Variants in PTER observed in about 807,000 individuals in gnomAD.
PTER encodes N-acetyltaurine hydrolase.
In PTER, 38 loss-of-function variants were observed where a neutral mutation model predicts 29.6. The ratio of observed to expected loss-of-function variants is 1.28; its 90% CI spans 0.99 to 1.68. The LOEUF is 1.68. Ranked by LOEUF, PTER falls within the 40% of genes most tolerant of loss-of-function variation. The pLI is 0.00. For missense variants in PTER, 482 were observed against 427.8 expected, an observed-to-expected ratio of 1.13 and a Z score of -1.12; for synonymous variants, 172 against 154.5, an observed-to-expected ratio of 1.11 and a Z score of -0.84.
intron 3 of PTER, among the ~76,000 whole-genome samples, chr10:16,487,398 C>T (rs763427211): frequency 2.2e-4 from 33 of 152,210 alleles, no homozygotes; most frequent in Admixed American, 4.6e-4. Context: ...CCTCTGTCTT[C>T]GCATAGCCTT....
At chr10:16,492,872 G>A (rs1388155361) in intron 3 of PTER, among the ~76,000 whole-genome samples, 2 of 152,218 alleles carry the variant, frequency 1.3e-5, no homozygotes, top group South Asian at 2.1e-4. Context: ...GACAACAAGA[G>A]GGAAACATTT....
At chr10:16,499,650 C>T (rs1836255141) in intron 3 of PTER, among the ~76,000 whole-genome samples, 1 of 151,896 alleles carries the variant, frequency 6.6e-6, no homozygotes, top group East Asian at 1.9e-4. Context: ...TGCCATGTTG[C>T]CCAAGCTGGT....
At chr10:16,449,949 T>G (rs2133371266) in intron 1 of PTER, among the ~76,000 whole-genome samples, 1 of 152,308 alleles carries the variant, frequency 6.6e-6, no homozygotes, top group South Asian at 2.1e-4. Flanking sequence ...AAATAAACTC[T>G]TAGAACCTTT....
intron 1 of PTER, among the ~76,000 whole-genome samples, chr10:16,460,814 T>G (rs2133391180): frequency 6.6e-6 from 1 of 152,244 alleles, no homozygotes; most frequent in African/African-American, 2.4e-5. Context: ...CCTCCCGGGT[T>G]CAAGAGATTC....
At chr10:16,506,699 A>C (rs1836582002) in intron 4 of PTER, among the ~76,000 whole-genome samples, 1 of 152,110 alleles carries the variant, frequency 6.6e-6, no homozygotes, top group Non-Finnish European at 1.5e-5. Flanking sequence ...TGAGGGAAAC[A>C]GGAGACTGAG....
At chr10:16,465,546 A>G (rs1447456142) in intron 1 of PTER, among the ~76,000 whole-genome samples, 1 of 152,228 alleles carries the variant, frequency 6.6e-6, no homozygotes, top group East Asian at 1.9e-4. Context: ...ACAAGCCTAT[A>G]AAGAGGACAT....
At chr10:16,470,496 G>A (rs984195882) in intron 1 of PTER, among the ~76,000 whole-genome samples, 3 of 152,200 alleles carry the variant, frequency 2.0e-5, no homozygotes, top group Admixed American at 6.5e-5. Flanking sequence ...GGGAGGGAGC[G>A]GTGGCTCACG....
intron 1 of PTER, among the ~76,000 whole-genome samples, chr10:16,453,486 A>G (rs1019912509): frequency 1.3e-5 from 2 of 152,302 alleles, no homozygotes; most frequent in African/African-American, 4.8e-5. Flanking sequence ...AGGCTACTAT[A>G]AAGACACCAT....
intron 3 of PTER, among the ~76,000 whole-genome samples, chr10:16,487,981 A>T (rs1835765623): frequency 6.6e-6 from 1 of 152,190 alleles, no homozygotes; most frequent in Admixed American, 6.6e-5. Flanking sequence ...CCCTGTCTCA[A>T]GAAAAAAAAA....
intron 3 of PTER, among the ~76,000 whole-genome samples, chr10:16,497,017 C>A (rs1211963864): frequency 1.3e-5 from 2 of 151,632 alleles, no homozygotes; most frequent in African/African-American, 4.9e-5. Flanking sequence ...TCACTGCAGC[C>A]TTTGCCTCCT....
intron 1 of PTER, among the ~76,000 whole-genome samples, chr10:16,480,079 G>A (rs11254015): frequency 0.64 from 92,368 of 143,806 alleles, 31,540 homozygotes; most frequent in African/African-American, 0.88. Context: ...ACTATGAGTA[G>A]AATGAAACAA....
chr10:16,492,891 G>T (rs1012249296), intron 3 of PTER, among the ~76,000 whole-genome samples: 1 of 152,194 alleles, frequency 6.6e-6, no homozygotes, highest in Non-Finnish European at 1.5e-5. Flanking sequence ...TTAGGGAACT[G>T]GCCGACAGCA....
chr10:16,460,809 C>T (rs1052904240), intron 1 of PTER, among the ~76,000 whole-genome samples: 3 of 152,116 alleles, frequency 2.0e-5, no homozygotes, highest in Admixed American at 6.5e-5. Flanking sequence ...CTCTACCTCC[C>T]GGGTTCAAGA....
At chr10:16,479,789 G>A (rs1358645277) in intron 1 of PTER, among the ~76,000 whole-genome samples, 4 of 151,788 alleles carry the variant, frequency 2.6e-5, no homozygotes, top group African/African-American at 4.8e-5. Context: ...CTGGATAATA[G>A]CGACATCCTA....
chr10:16,514,504 A>C (rs368514858), downstream of PTER: 1 of 1,602,152 alleles, frequency 6.2e-7, no homozygotes, highest in Admixed American at 1.7e-5. Flanking sequence ...CAAACTCAGA[A>C]TAATAAGCTT....
chr10:16,441,319 A>G (rs1833842632), intron 1 of PTER, among the ~76,000 whole-genome samples: 1 of 152,234 alleles, frequency 6.6e-6, no homozygotes, highest in African/African-American at 2.4e-5. Flanking sequence ...GATACATTTC[A>G]GAAATTATTT....
intron 1 of PTER, among the ~76,000 whole-genome samples, chr10:16,444,963 T>G (rs990010444): frequency 1.3e-5 from 2 of 152,200 alleles, no homozygotes; most frequent in African/African-American, 4.8e-5. Context: ...TGTAAAACAC[T>G]TTTCTCTTTA....
intron 4 of PTER, among the ~76,000 whole-genome samples, chr10:16,506,031 A>T (rs1001858009): frequency 1.4e-5 from 2 of 146,262 alleles, no homozygotes; most frequent in Non-Finnish European, 3.0e-5. Flanking sequence ...TTTCAAAGTG[A>T]TAACATGAGA....
intron 4 of PTER, among the ~76,000 whole-genome samples, chr10:16,509,282 G>T (rs748449983): frequency 2.0e-5 from 3 of 149,276 alleles, no homozygotes; most frequent in Non-Finnish European, 4.5e-5. Flanking sequence ...GAGCCATAAC[G>T]TTATCTTTCT....
Sources: allele counts gnomAD v4.1 joint callset (sites outside exome capture counted in the v4.1 genomes callset), GRCh38; gene constraint gnomAD v4.1.1; transcripts MANE v1.5; gene names NCBI Gene and HGNC (gene_info 2026-07-23, HGNC 2026-07-21).